Variants in NBAS observed in about 807,000 individuals in gnomAD.
NBAS encodes NBAS subunit of NRZ tethering complex, also known as NAG/BC035112 fusion.
Under a neutral mutation model 302.5 loss-of-function variants are expected in NBAS, and 219 were observed. The observed-to-expected ratio is 0.72, with a 90% CI of 0.65 to 0.81. NBAS has a LOEUF of 0.81. Ranked by LOEUF, NBAS falls within the 30% of genes least tolerant of loss-of-function variation. The pLI, the probability that NBAS is intolerant of heterozygous loss-of-function variation, is 0.00. For synonymous variants in NBAS, 1,118 were observed against 1,021.6 expected, an observed-to-expected ratio of 1.09 and a Z score of -1.80; for missense variants, 2,932 against 2,841.6, an observed-to-expected ratio of 1.03 and a Z score of -0.72.
At chr2:15,480,494 A>T (rs1057263139) in intron 12 of NBAS, among the ~76,000 whole-genome samples, 4 of 152,164 alleles carry the variant, frequency 2.6e-5, no homozygotes, top group Admixed American at 2.6e-4. Context: ...AGAGGTATAG[A>T]TAAAAGGTAT....
the NBAS span, among the ~76,000 whole-genome samples, chr2:14,866,341 T>C: frequency 1.7e-3 from 255 of 152,288 alleles, no homozygotes; most frequent in Non-Finnish European, 2.4e-3. Context: ...GCAATACTAG[T>C]AATATTTTTT....
chr2:15,379,500 T>C, intron 30 of NBAS, 102 bp downstream of exon 30: 1 of 1,194,214 alleles, frequency 8.4e-7, no homozygotes, highest in South Asian at 1.3e-5. Context: ...GTAGTCAATC[T>C]GTACCTGTGA....
At chr2:14,827,136 T>C in the NBAS span, among the ~76,000 whole-genome samples, 1 of 152,220 alleles carries the variant, frequency 6.6e-6, no homozygotes, top group East Asian at 1.9e-4. Context: ...TAATGTCTTA[T>C]AGTAGTTCAA....
At chr2:15,523,299 G>A (rs1183736838) in intron 9 of NBAS, among the ~76,000 whole-genome samples, 2 of 152,122 alleles carry the variant, frequency 1.3e-5, no homozygotes, top group Non-Finnish European at 2.9e-5. Context: ...TTCTGCACAC[G>A]TGGATTCAAT....
chr2:15,029,342 T>G, the NBAS span, among the ~76,000 whole-genome samples: 2 of 152,158 alleles, frequency 1.3e-5, no homozygotes, highest in African/African-American at 4.8e-5. Flanking sequence ...CATAATTGCA[T>G]TATAAATCTT....
chr2:15,214,961 C>CT (rs767295561), intron 48 of NBAS, among the ~76,000 whole-genome samples: 1 of 151,990 alleles, frequency 6.6e-6, no homozygotes, highest in Non-Finnish European at 1.5e-5. Context: ...GCCACATGTT[C>CT]TTTTTTACAT....
chr2:15,117,022 C>A, the NBAS span, among the ~76,000 whole-genome samples: 1 of 152,078 alleles, frequency 6.6e-6, no homozygotes, highest in African/African-American at 2.4e-5. Flanking sequence ...AGTAACAATA[C>A]CCAATTTTCA....
chr2:15,072,474 T>G, the NBAS span, among the ~76,000 whole-genome samples: 1 of 152,164 alleles, frequency 6.6e-6, no homozygotes, highest in Non-Finnish European at 1.5e-5. Context: ...TTATGATGTT[T>G]CTGTAGTATT....
intron 21 of NBAS, among the ~76,000 whole-genome samples, chr2:15,434,517 T>A (rs1159039704): frequency 2.0e-5 from 3 of 152,218 alleles, no homozygotes; most frequent in Non-Finnish European, 4.4e-5. Context: ...ATGACCCACA[T>A]CAAAAAGTCT....
chr2:15,006,497 A>G, the NBAS span, among the ~76,000 whole-genome samples: 3 of 152,186 alleles, frequency 2.0e-5, no homozygotes, highest in Admixed American at 6.5e-5. Flanking sequence ...AAAAATATTA[A>G]TTGTATACAC....
In NBAS at chr2:15,536,492, A is replaced by G; in HGVS notation, c.573T>C (p.Tyr191=). ...CTGCAGACCACTGTGCACTTGCTTT[A>G]TATTCTAAAAATATCAACCCAGCAA... ...YAIAGLIFLE[Y]KASAQWSAEL... Residue 191 remains tyrosine (Y), a synonymous_variant, in exon 8 of 52, where the codon TAT becomes TAC. Coordinates refer to ENST00000281513, the MANE Select transcript of NBAS (RefSeq NM_015909.4). 3 of 1,613,332 alleles carry G rather than the reference A, an allele frequency of 1.9e-6. No individual in the cohort carries two copies. The highest frequency in any genetic ancestry group is 2.5e-6 in the Non-Finnish European group (3 of 1,179,748).
chr2:15,024,546 G>T, the NBAS span, among the ~76,000 whole-genome samples: 1 of 152,146 alleles, frequency 6.6e-6, no homozygotes, highest in Non-Finnish European at 1.5e-5. Context: ...TGGCCACATT[G>T]CTTTCCACAA....
At chr2:15,034,039 G>GAAGAA in the NBAS span, among the ~76,000 whole-genome samples, 3 of 84,596 alleles carry the variant, frequency 3.5e-5, no homozygotes, top group African/African-American at 5.1e-5. Context: ...GGAGGAGGAA[G>GAAGAA]GAGGAGGAGG....
At chr2:14,911,294 G>A in the NBAS span, among the ~76,000 whole-genome samples, 1 of 152,126 alleles carries the variant, frequency 6.6e-6, no homozygotes, top group Non-Finnish European at 1.5e-5. Flanking sequence ...TTTCTCTCCA[G>A]GCTATTTGAC....
chr2:15,405,520 C>T (rs1400226750), intron 25 of NBAS, among the ~76,000 whole-genome samples: 1 of 152,094 alleles, frequency 6.6e-6, no homozygotes, highest in Non-Finnish European at 1.5e-5. Context: ...TAAAAGAGGA[C>T]AGCCCATCTG....
chr2:15,326,417 T>A (rs923504095), intron 38 of NBAS, among the ~76,000 whole-genome samples: 1 of 152,212 alleles, frequency 6.6e-6, no homozygotes, highest in African/African-American at 2.4e-5. Context: ...CTTCAGTCCG[T>A]TATTACGCCA....
intron 2 of NBAS, among the ~76,000 whole-genome samples, chr2:15,558,128 C>T (rs752226556): frequency 1.3e-5 from 2 of 152,184 alleles, no homozygotes; most frequent in Non-Finnish European, 2.9e-5. Context: ...ACAATTTTTC[C>T]ATGCAACCTA....
At chr2:15,036,454 T>G in the NBAS span, among the ~76,000 whole-genome samples, 1 of 152,202 alleles carries the variant, frequency 6.6e-6, no homozygotes, top group Admixed American at 6.5e-5. Context: ...TTAGGTAAAG[T>G]CTTCAAGATC....
intron 42 of NBAS, among the ~76,000 whole-genome samples, chr2:15,282,464 C>T (rs1002438148): frequency 4.6e-5 from 7 of 152,090 alleles, no homozygotes; most frequent in Admixed American, 3.9e-4. Flanking sequence ...TTGTTCTTAC[C>T]CATTCTTGCA....
Sources: allele counts gnomAD v4.1 joint callset (sites outside exome capture counted in the v4.1 genomes callset), GRCh38; gene constraint gnomAD v4.1.1; transcripts MANE v1.5; gene names NCBI Gene and HGNC (gene_info 2026-07-23, HGNC 2026-07-21).